The following FCHO2 variants were observed in gnomAD, a reference collection of about 807,000 sequenced individuals.
The protein encoded by FCHO2 is FCH and mu domain containing endocytic adaptor 2.
A neutral mutation model predicts 114.1 loss-of-function variants in FCHO2; 43 were observed. That is an observed-to-expected ratio of 0.38 (90% confidence interval 0.30 to 0.49). FCHO2 has a LOEUF of 0.49. FCHO2 is among the 20% of genes least tolerant of loss of function. FCHO2 has a pLI of 0.97. For missense variants in FCHO2, 807 were observed against 950.4 expected (o/e 0.85, Z 1.98); for synonymous variants, 293 against 315.2 (o/e 0.93, Z 0.75).
intron 19 of FCHO2, among the ~76,000 whole-genome samples, chr5:73,069,821 G>GT (rs1463122845): frequency 2.0e-5 from 3 of 151,954 alleles, no homozygotes; most frequent in Non-Finnish European, 4.4e-5. Context: ...TTTCTACTCA[G>GT]TTTTTTCTAC....
intron 8 of FCHO2, among the ~76,000 whole-genome samples, chr5:73,026,503 A>G (rs1291197483): frequency 2.0e-5 from 3 of 151,986 alleles, no homozygotes; most frequent in South Asian, 4.1e-4. Context: ...AAGTTAACCT[A>G]TTTCTCTGAT....
intron 11 of FCHO2, 60 bp downstream of exon 11, chr5:73,041,375 C>G: frequency 9.5e-7 from 1 of 1,055,648 alleles, no homozygotes; most frequent in East Asian, 2.6e-5. Flanking sequence ...TAGGACAAAC[C>G]TAACACATTT....
intron 12 of FCHO2, 74 bp downstream of exon 12, chr5:73,051,480 T>G: frequency 1.2e-6 from 1 of 857,236 alleles, no homozygotes; most frequent in South Asian, 1.8e-5. Context: ...AAATCATGTA[T>G]TAAAGCCTCT....
At chr5:73,075,076 C>T (rs1179438562) in intron 20 of FCHO2, among the ~76,000 whole-genome samples, 1 of 152,084 alleles carries the variant, frequency 6.6e-6, no homozygotes, top group Non-Finnish European at 1.5e-5. Context: ...ATTTCTAAGA[C>T]TCTGTTACAT....
At chr5:72,959,923 G>A (rs1751761954) in intron 1 of FCHO2, among the ~76,000 whole-genome samples, 1 of 152,122 alleles carries the variant, frequency 6.6e-6, no homozygotes, top group South Asian at 2.1e-4. Flanking sequence ...GCGACCACAG[G>A]TACAGGCCAC....
Position 73,081,908 on chromosome 5 carries a change from G to A in FCHO2, c.2106G>A (p.Val702=), listed in dbSNP as rs1257066420. ...CAGAAGCTATGGTGGCACCTAGTGT[G>A]CTTTCCAACATACAGGTGGTGGTAC... The part of the protein sequence containing the change: ...YNPEAMVAPS[V]LSNIQVVVPV... The change falls in exon 23 of 26, where the codon GTG becomes GTA. Residue 702 remains valine, a synonymous_variant. Coordinates refer to ENST00000430046, the MANE Select transcript of FCHO2 (RefSeq NM_138782.3). The A allele has an allele frequency of 6.2e-7, 1 of 1,612,146 alleles. No homozygotes were observed. Among genetic ancestry groups the A allele is most frequent in the African/African-American group, 1.3e-5 (1 of 74,874 alleles).
In FCHO2 at chr5:72,996,401, G is replaced by C. The variant is rs539574883; in HGVS notation, c.495+5537G>C. Among the ~76,000 whole-genome samples, 7 of 152,240 alleles carry C rather than the reference G, an allele frequency of 4.6e-5. No individual in the cohort carries two copies. In the South Asian group the frequency reaches 1.5e-3, roughly 32 times the overall value. On this transcript the variant is annotated intron_variant, in intron 5 of 25. Coordinates refer to ENST00000430046, the MANE Select transcript of FCHO2 (RefSeq NM_138782.3). ...TTAAAAAAGAATGACATGTATTAACGTGAGTAAATGTAAAAAGCATAATAT... is the reference window on the plus strand; with the variant it reads ...TTAAAAAAGAATGACATGTATTAACCTGAGTAAATGTAAAAAGCATAATAT...
intron 11 of FCHO2, among the ~76,000 whole-genome samples, chr5:73,048,868 ATC>A (rs1757198958): frequency 7.2e-6 from 1 of 138,994 alleles, no homozygotes; most frequent in African/African-American, 2.7e-5. Flanking sequence ...TGAATTTGCT[ATC>A]TTTTTTTTTT....
intron 9 of FCHO2, 140 bp from the exon 10 acceptor site, chr5:73,037,003 G>A: frequency 4.2e-6 from 2 of 480,854 alleles, no homozygotes; most frequent in Non-Finnish European, 7.3e-6. Context: ...TTGAGTGGTT[G>A]CTAACTTTAT....
At chr5:73,058,009 A>T (rs371737959) in intron 16 of FCHO2, among the ~76,000 whole-genome samples, 16 of 152,024 alleles carry the variant, frequency 1.1e-4, no homozygotes, top group African/African-American at 3.1e-4. Context: ...CTTTTAAATT[A>T]AAAAAAATTA....
chr5:73,033,120 G>C (rs1019003049), intron 8 of FCHO2, among the ~76,000 whole-genome samples: 1 of 152,076 alleles, frequency 6.6e-6, no homozygotes, highest in African/African-American at 2.4e-5. Context: ...TCAGCTTCCA[G>C]ATTTGCAGAA....
chr5:73,051,202 T>C (rs1425034428), intron 11 of FCHO2, 147 bp from the exon 12 acceptor site: 11 of 543,952 alleles, frequency 2.0e-5, no homozygotes, highest in Non-Finnish European at 3.6e-5. Flanking sequence ...AAAGGTGTAA[T>C]TTTTCTTCGG....
chr5:72,986,394 T>C (rs1753523851), intron 2 of FCHO2, among the ~76,000 whole-genome samples: 2 of 152,186 alleles, frequency 1.3e-5, no homozygotes, highest in African/African-American at 4.8e-5. Flanking sequence ...CTTTTTCTTT[T>C]GGCTCCCTTA....
chr5:73,052,614 A>ATTTCCTCAGTC, intron 13 of FCHO2, 107 bp downstream of exon 13: 1 of 888,294 alleles, frequency 1.1e-6, no homozygotes, highest in Non-Finnish European at 1.7e-6. Flanking sequence ...TTGACTGAGG[A>ATTTCCTCAGTC]AATACTTAGT....
In FCHO2 at chr5:72,968,496, AG is replaced by A; in HGVS notation, c.37del. On this transcript the variant is annotated splice_acceptor_variant, in intron 1 of 25. Transcript: ENST00000430046. LOFTEE classifies it high-confidence loss of function. Reference sequence around the variant, plus strand: ...GAAACTAAAAATCTTTTTAAATTTTAGGGGGAAAAAAATAGTGGCTTTGATG... The same window carrying A: ...GAAACTAAAAATCTTTTTAAATTTTAGGGGAAAAAAATAGTGGCTTTGATG... The A allele has an allele frequency of 6.7e-7, 1 of 1,503,000 alleles. No individual in the cohort carries two copies. The highest frequency in any genetic ancestry group is 2.7e-5 in the Admixed American group (1 of 37,410). 93.1% of individuals were successfully genotyped at this position (1,503,000 alleles called of 1,614,324 possible).
chr5:73,086,723 C>T (rs1405645773), intron 24 of FCHO2, among the ~76,000 whole-genome samples: 1 of 152,082 alleles, frequency 6.6e-6, no homozygotes, highest in African/African-American at 2.4e-5. Context: ...TCTTGTCTTC[C>T]TTATCTTTGG....
intron 19 of FCHO2, among the ~76,000 whole-genome samples, chr5:73,074,387 G>A (rs1742814056): frequency 1.3e-5 from 2 of 152,016 alleles, no homozygotes; most frequent in Non-Finnish European, 2.9e-5. Context: ...ATGCCCTGAA[G>A]TATATGATTG....
intron 1 of FCHO2, among the ~76,000 whole-genome samples, chr5:72,968,193 G>A (rs756453195): frequency 6.6e-6 from 1 of 152,048 alleles, no homozygotes; most frequent in Non-Finnish European, 1.5e-5. Context: ...CAAAGTGCTG[G>A]GATTACAGGT....
chr5:73,043,280 ACTGT>A (rs1377588083), intron 11 of FCHO2, among the ~76,000 whole-genome samples: 3 of 149,916 alleles, frequency 2.0e-5, no homozygotes, highest in Non-Finnish European at 2.9e-5. Context: ...GTAAATTGAT[ACTGT>A]CTGTCTTGTG....
Sources: gnomAD v4.1 joint callset for allele counts (sites outside exome capture counted in the v4.1 genomes callset) on GRCh38, gnomAD v4.1.1 for gene constraint, MANE v1.5 for transcripts, NCBI Gene and HGNC (gene_info 2026-07-23, HGNC 2026-07-21) for gene names.